The following PRELID2 variants were observed in gnomAD, a reference collection of about 807,000 sequenced individuals.
PRELID2 encodes the protein PRELI domain-containing protein 2.
In PRELID2, 25 loss-of-function variants were observed where a neutral mutation model predicts 28.4. The observed-to-expected ratio is 0.88, with a 90% confidence interval of 0.64 to 1.23. PRELID2 has a LOEUF of 1.23. Among genes scored for constraint, PRELID2 ranks in the 50% most tolerant of loss-of-function variants. PRELID2 has a pLI of 0.00. For synonymous variants in PRELID2, 76 were observed against 71.6 expected (o/e 1.06, Z -0.31); for missense variants, 201 against 214.4 (o/e 0.94, Z 0.39).
intron 1 of PRELID2, among the ~76,000 whole-genome samples, chr5:145,827,741 C>T (rs1035557895): frequency 3.3e-5 from 5 of 152,136 alleles, no homozygotes; most frequent in South Asian, 2.1e-4. Flanking sequence ...CAAATAACTG[C>T]CCAGCACTCT....
chr5:145,478,576 AT>A (rs573847993), intron 1 of PRELID2, among the ~76,000 whole-genome samples: 140 of 152,270 alleles, frequency 9.2e-4, no homozygotes, highest in Non-Finnish European at 1.5e-3. Flanking sequence ...AAGAAAAAAA[AT>A]ATAAAGTGTC....
chr5:145,275,430 C>T, the PRELID2 span, among the ~76,000 whole-genome samples: 10 of 151,934 alleles, frequency 6.6e-5, no homozygotes, highest in South Asian at 4.1e-4. Context: ...AAGCTACAAC[C>T]GGAAGAGGGT....
intron 1 of PRELID2, among the ~76,000 whole-genome samples, chr5:145,548,939 C>A (rs540302888): frequency 6.6e-6 from 1 of 151,952 alleles, no homozygotes; most frequent in South Asian, 2.1e-4. Context: ...GTACCCACCA[C>A]CTCAAGTTCC....
At chr5:145,568,547 T>C (rs1378165367) in intron 1 of PRELID2, among the ~76,000 whole-genome samples, 1 of 152,256 alleles carries the variant, frequency 6.6e-6, no homozygotes, top group African/African-American at 2.4e-5. Flanking sequence ...TATTATTTAC[T>C]ATCTATAAGA....
intron 1 of PRELID2, among the ~76,000 whole-genome samples, chr5:145,707,510 C>G (rs1479527538): frequency 6.6e-6 from 1 of 152,066 alleles, no homozygotes; most frequent in African/African-American, 2.4e-5. Flanking sequence ...AAAAAATCTC[C>G]GCTAAGTTAG....
chr5:145,553,613 T>C (rs1385942664), intron 1 of PRELID2, among the ~76,000 whole-genome samples: 2 of 152,240 alleles, frequency 1.3e-5, no homozygotes, highest in Non-Finnish European at 2.9e-5. Context: ...GATCATTGAT[T>C]AGGCTGGAAA....
At chr5:145,593,848 T>A (rs1311149926) in intron 1 of PRELID2, among the ~76,000 whole-genome samples, 2 of 152,202 alleles carry the variant, frequency 1.3e-5, no homozygotes, top group Admixed American at 6.5e-5. Context: ...AATCATGAAC[T>A]ATGACCTTAT....
intron 1 of PRELID2, among the ~76,000 whole-genome samples, chr5:145,483,746 C>T (rs1346338582): frequency 1.3e-5 from 2 of 152,188 alleles, no homozygotes; most frequent in Admixed American, 6.6e-5. Flanking sequence ...TCACAATCTA[C>T]GGAGTTGAAA....
the PRELID2 span, among the ~76,000 whole-genome samples, chr5:145,272,850 T>C: frequency 0.025 from 3,811 of 152,224 alleles, 160 homozygotes; most frequent in African/African-American, 0.087. Context: ...TTACTCGTTA[T>C]GGGCTAAGAA....
At chr5:145,653,108 C>T (rs1462561248) in intron 1 of PRELID2, among the ~76,000 whole-genome samples, 1 of 152,144 alleles carries the variant, frequency 6.6e-6, no homozygotes, top group African/African-American at 2.4e-5. Context: ...ATCCTAGTCT[C>T]TGATAAAACA....
intron 1 of PRELID2, among the ~76,000 whole-genome samples, chr5:145,615,327 GTTTTTTTTTTT>G (rs141780236): frequency 1.5e-5 from 1 of 68,914 alleles, no homozygotes; most frequent in Non-Finnish European, 2.6e-5. Flanking sequence ...TCTTTTTTTT[GTTTTTTTTTTT>G]TTTTTTTGAG....
At chr5:145,267,778 T>C in the PRELID2 span, among the ~76,000 whole-genome samples, 1 of 152,180 alleles carries the variant, frequency 6.6e-6, no homozygotes, top group Admixed American at 6.6e-5. Flanking sequence ...CTACTAACAG[T>C]GTACAAAGGT....
chr5:145,402,355 C>G, the PRELID2 span, among the ~76,000 whole-genome samples: 40 of 152,256 alleles, frequency 2.6e-4, 1 homozygote, highest in Admixed American at 2.4e-3. Flanking sequence ...TACTTAAGCA[C>G]TCATACTACA....
At chr5:145,464,986 T>C in the PRELID2 span, among the ~76,000 whole-genome samples, 2 of 152,154 alleles carry the variant, frequency 1.3e-5, no homozygotes, top group Non-Finnish European at 2.9e-5. Flanking sequence ...CCTCTTGTAA[T>C]GTATGTTGTC....
At chr5:145,378,044 T>C in the PRELID2 span, among the ~76,000 whole-genome samples, 4 of 152,304 alleles carry the variant, frequency 2.6e-5, no homozygotes, top group Admixed American at 6.5e-5. Context: ...TCTCCTCATT[T>C]ATGAAGCTTA....
At chr5:145,637,208 T>C (rs963405744) in intron 1 of PRELID2, among the ~76,000 whole-genome samples, 8 of 152,242 alleles carry the variant, frequency 5.3e-5, no homozygotes, top group African/African-American at 9.6e-5. Flanking sequence ...CCAACGTTTA[T>C]TGGGCACTGC....
chr5:145,358,943 G>T, the PRELID2 span, among the ~76,000 whole-genome samples: 4 of 152,124 alleles, frequency 2.6e-5, no homozygotes, highest in African/African-American at 9.7e-5. Context: ...TTGCCAAAAA[G>T]GTCATCCACT....
At chr5:145,502,310 C>T (rs959782333) in intron 1 of PRELID2, among the ~76,000 whole-genome samples, 1 of 152,086 alleles carries the variant, frequency 6.6e-6, no homozygotes, top group African/African-American at 2.4e-5. Flanking sequence ...ATCATGAGAA[C>T]AGCACTGAGA....
the PRELID2 span, among the ~76,000 whole-genome samples, chr5:145,255,633 T>G: frequency 6.6e-6 from 1 of 151,206 alleles, no homozygotes; most frequent in East Asian, 2.0e-4. Flanking sequence ...AAAAAGAAAC[T>G]GGCAAGGCAT....
Sources: gnomAD v4.1 joint callset for allele counts (sites outside exome capture counted in the v4.1 genomes callset) on GRCh38, gnomAD v4.1.1 for gene constraint, MANE v1.5 for transcripts, NCBI Gene and HGNC (gene_info 2026-07-23, HGNC 2026-07-21) for gene names.